Variants in RMDN3 observed in about 807,000 individuals in gnomAD.
RMDN3 encodes the protein regulator of microtubule dynamics 3.
Under a neutral mutation model 61.8 loss-of-function variants are expected in RMDN3, and 41 were observed. The ratio of observed to expected loss-of-function variants is 0.66; its 90% CI spans 0.52 to 0.86. RMDN3 has a LOEUF of 0.86. Ranked by LOEUF, RMDN3 falls within the 40% of genes least tolerant of loss-of-function variation. RMDN3 has a pLI of 0.00. For missense variants in RMDN3, 557 were observed against 585.3 expected (o/e 0.95, Z 0.50); for synonymous variants, 247 against 232.0 (o/e 1.06, Z -0.59).
At position 40,741,620 on chromosome 15, in the gene RMDN3, A is replaced by ATTTTTTTTTTTTTTTTTTTTTTTT. The variant is rs553262858; in HGVS notation, c.911-1451_911-1428dup. ...ACTGGAGAAGACACTGCAACATAGG[A>ATTTTTTTTTTTTTTTTTTTTTTTT]TTTTTTTTTTTTTTTTTTTTTTTTT... On this transcript the variant is annotated intron_variant, in intron 6 of 12. Coordinates refer to ENST00000338376, the MANE Select transcript of RMDN3 (RefSeq NM_018145.3). Among the ~76,000 whole-genome samples the ATTTTTTTTTTTTTTTTTTTTTTTT allele has an allele frequency of 2.9e-4, 21 of 71,734 alleles. 2 individuals carry two copies. Among genetic ancestry groups the ATTTTTTTTTTTTTTTTTTTTTTTT allele is most frequent in the African/African-American group, 6.8e-4 (13 of 19,050 alleles). The allele number at this position is 71,734 out of a possible 152,430, so 47.1% of individuals were successfully genotyped here.
At chr15:40,738,864 C>T (rs530966129) in intron 7 of RMDN3, 126 of 462,796 alleles carry the variant, frequency 2.7e-4, no homozygotes, top group Admixed American at 1.9e-3. Context: ...ATCTCTCCTA[C>T]ACTCATAAGG....
At chr15:40,745,314 G>A in intron 4 of RMDN3, 55 bp from the exon 5 acceptor site, 4 of 1,566,666 alleles carry the variant, frequency 2.6e-6, no homozygotes, top group Middle Eastern at 3.4e-4. Context: ...GAGCCCCTAG[G>A]GTCTGTCTAT....
intron 2 of RMDN3, among the ~76,000 whole-genome samples, chr15:40,753,846 AGATAGTTGCCAAGTTGTCTT>A (rs1254975374): frequency 5.3e-5 from 8 of 152,208 alleles, no homozygotes; most frequent in Admixed American, 2.0e-4. Flanking sequence ...AACTTGAATG[AGATAGTTGCCAAGTTGTCTT>A]GATAGTTGCC....
At chr15:40,753,695 G>A (rs1030633324) in intron 2 of RMDN3, among the ~76,000 whole-genome samples, 1 of 152,292 alleles carries the variant, frequency 6.6e-6, no homozygotes, top group African/African-American at 2.4e-5. Context: ...CATTAAGCGT[G>A]CTCCTAGCCC....
At chr15:40,743,922 C>G in intron 6 of RMDN3, 125 bp downstream of exon 6, 1 of 712,556 alleles carries the variant, frequency 1.4e-6, no homozygotes, top group Non-Finnish European at 2.3e-6. Flanking sequence ...GAGTTTGTCC[C>G]TAGTGGGTAA....
At chr15:40,752,633 G>T (rs1278082867) in intron 2 of RMDN3, among the ~76,000 whole-genome samples, 1 of 152,150 alleles carries the variant, frequency 6.6e-6, no homozygotes, top group Non-Finnish European at 1.5e-5. Flanking sequence ...AAAACTTGGA[G>T]TTTCTCCCAG....
At chr15:40,743,999 C>A in intron 6 of RMDN3, 48 bp downstream of exon 6, 3 of 1,528,446 alleles carry the variant, frequency 2.0e-6, no homozygotes, top group Non-Finnish European at 1.8e-6. Context: ...GCCAGCCCCA[C>A]CCCTGAATCA....
chr15:40,752,632 AGT>A (rs1170820303), intron 2 of RMDN3, among the ~76,000 whole-genome samples: 1 of 152,168 alleles, frequency 6.6e-6, no homozygotes, highest in Non-Finnish European at 1.5e-5. Context: ...GAAAACTTGG[AGT>A]TTCTCCCAGA....
chr15:40,754,774 G>C lies in RMDN3; in HGVS notation c.10C>G (p.Leu4Val). The C allele has an allele frequency of 6.5e-7, 1 of 1,527,004 alleles. No individual in the cohort carries two copies. Among genetic ancestry groups the C allele is most frequent in the Non-Finnish European group, 8.9e-7 (1 of 1,122,282 alleles). The allele number at this position is 1,527,004 out of a possible 1,614,324, so 94.6% of individuals were successfully genotyped here. The change falls in exon 2 of 13, where the codon CTG (leucine) becomes GTG (valine). Residue 4 changes from leucine (L) to valine (V), a missense_variant. Leu to Val is a conservative substitution (Grantham distance 32). Transcript: ENST00000338376. ...GCACGGGCACCACCCAGGGCTCCCAGTCTAGACATGCTGCACCTGCGGCCA... is the reference window on the plus strand; with the variant it reads ...GCACGGGCACCACCCAGGGCTCCCACTCTAGACATGCTGCACCTGCGGCCA... MSR[L>V]GALGGARAGL...
chr15:40,751,551 G>C lies in RMDN3; in HGVS notation c.399C>G (p.Asn133Lys). Residue 133 changes from asparagine (N) to lysine (K), a missense_variant, in exon 4 of 13, where the codon AAC becomes AAG. Transcript: ENST00000338376. ...ACCTTCGCCGCCGAGCCACTCTCTG[G>C]TTCTCTTCCATGTGGCATCTGGAAA... ...VGEVRCHMEE[N>K]QRVARRRRFP... 1 of 1,614,178 alleles carries C rather than the reference G, an allele frequency of 6.2e-7. No homozygotes were observed.
chr15:40,744,258 C>T (rs775518012), intron 5 of RMDN3, 109 bp from the exon 6 acceptor site: 2 of 940,932 alleles, frequency 2.1e-6, no homozygotes, highest in Non-Finnish European at 3.3e-6. Flanking sequence ...TAGTATGTTA[C>T]AGTCATCAAT....
At position 40,736,549 on chromosome 15, in the gene RMDN3, G is replaced by C. The variant is rs879690822; in HGVS notation, c.1405C>G (p.Arg469Gly). 6 of 1,613,820 alleles carry C rather than the reference G, an allele frequency of 3.7e-6. No homozygotes were observed. Among genetic ancestry groups the C allele is most frequent in the Admixed American group, 3.3e-5 (2 of 59,984 alleles). ...KDLEELEVIL[R>G]D Reference sequence around the variant, plus strand: ...AGGCCAGTGAAACGTGGTTAGTCTCGTAAAATGACTTCCAGTTCTTCCAGG... The same window carrying C: ...AGGCCAGTGAAACGTGGTTAGTCTCCTAAAATGACTTCCAGTTCTTCCAGG... Residue 469 changes from arginine (R) to glycine (G), a missense_variant, in exon 13 of 13, where the codon CGA becomes GGA. Transcript: ENST00000338376.
At chr15:40,741,807 TTAG>T (rs150441240) in intron 6 of RMDN3, among the ~76,000 whole-genome samples, 2,146 of 151,702 alleles carry the variant, frequency 0.014, 53 homozygotes, top group African/African-American at 0.049. Context: ...TTTTGTATTT[TTAG>T]TAGAGACAGT....
chr15:40,747,054 G>T (rs1052826684), intron 4 of RMDN3, among the ~76,000 whole-genome samples: 2 of 152,192 alleles, frequency 1.3e-5, no homozygotes, highest in Admixed American at 6.5e-5. Context: ...GCCCAGCCAG[G>T]CCCAAATGCA....
In RMDN3 at chr15:40,736,536, C is replaced by T. The variant is rs201041208; in HGVS notation, c.*5G>A. 20 of 1,613,500 alleles carry T rather than the reference C, an allele frequency of 1.2e-5. No individual in the cohort carries two copies. The highest frequency in any genetic ancestry group is 1.0e-4 in the Admixed American group (6 of 59,976). ...CATCAAGTCATGAAGGCCAGTGAAA[C>T]GTGGTTAGTCTCGTAAAATGACTTC... is the stretch of plus-strand genomic sequence containing the variant. On this transcript the variant is annotated 3_prime_UTR_variant, in exon 13 of 13. Coordinates refer to ENST00000338376, the MANE Select transcript of RMDN3 (RefSeq NM_018145.3).
Position 40,738,521 on chromosome 15 carries a change from G to C in RMDN3, c.1027C>G (p.Gln343Glu), listed in dbSNP as rs1897155635. Reference protein sequence around the residue: ...AEHESIQRRIQSGFSFKEHVD... With the variant: ...AEHESIQRRIESGFSFKEHVD... ...CTCACCTTGAAGCTAAAGCCACTCT[G>C]GATGCGCCTCTGGATGCTCTCATGC... Residue 343 changes from glutamine to glutamate, a missense_variant, in exon 8 of 13, where the codon CAG becomes GAG. By Grantham distance (29) the Gln-to-Glu change is conservative. Transcript: ENST00000338376. The C allele has an allele frequency of 1.2e-6, 2 of 1,614,122 alleles. No individual in the cohort carries two copies. Among genetic ancestry groups the C allele is most frequent in the South Asian group, 2.2e-5 (2 of 91,078 alleles).
In RMDN3 at chr15:40,737,221, G is replaced by A; in HGVS notation, c.1279-17C>T. On this transcript the variant is annotated splice_polypyrimidine_tract_variant and intron_variant, in intron 11 of 12. Coordinates refer to ENST00000338376, the MANE Select transcript of RMDN3 (RefSeq NM_018145.3). The stretch of plus-strand genomic sequence containing the variant: ...TCTGTAGCACTGAAAAGAGACAACA[G>A]TGAAACCTGATACTGTGTACTTTCA... The A allele has an allele frequency of 6.2e-7, 1 of 1,613,476 alleles. No homozygotes were observed. Among genetic ancestry groups the A allele is most frequent in the African/African-American group, 1.3e-5 (1 of 75,056 alleles).
At chr15:40,738,093 A>G (rs1353141985) in intron 8 of RMDN3, 51 bp from the exon 9 acceptor site, 4 of 1,585,988 alleles carry the variant, frequency 2.5e-6, no homozygotes, top group South Asian at 2.2e-5. Context: ...GAGTTGCTAA[A>G]AGAGAGGCAA....
In RMDN3 at chr15:40,745,114, A is replaced by G. The variant is rs1489042761; in HGVS notation, c.670T>C (p.Ser224Pro). Residue 224 changes from serine (S) to proline (P), a missense_variant, in exon 5 of 13, where the codon TCC becomes CCC. Ser to Pro is a moderately conservative substitution (Grantham distance 74). Transcript: ENST00000338376. ...DLEEEAASGA[S>P]SALEAGGSSG... ...GAACCTCCAGCCTCCAGGGCACTGG[A>G]GGCACCTGAAGCTGCCTCTTCCTCC... is the stretch of plus-strand genomic sequence containing the variant. 5 of 1,614,142 alleles carry G rather than the reference A, an allele frequency of 3.1e-6. No individual in the cohort carries two copies. In the Admixed American group the frequency reaches 8.3e-5, roughly 27 times the overall value.
Sources: allele counts gnomAD v4.1 joint callset (sites outside exome capture counted in the v4.1 genomes callset), GRCh38; gene constraint gnomAD v4.1.1; transcripts MANE v1.5; gene names NCBI Gene and HGNC (gene_info 2026-07-23, HGNC 2026-07-21).